FARP1: variants seen among roughly 807,000 people sequenced by gnomAD.
The protein encoded by FARP1 is FERM, ARH/RhoGEF and pleckstrin domain protein 1.
In FARP1, 52 loss-of-function variants were observed where a neutral mutation model predicts 128.8. The observed-to-expected ratio is 0.40, with a 90% CI of 0.32 to 0.51. The LOEUF (loss-of-function observed/expected upper bound fraction) is 0.51, where lower values mean the gene tolerates loss of function less well. FARP1 is among the 20% of genes least tolerant of loss of function. The pLI, the probability that FARP1 is intolerant of heterozygous loss-of-function variation, is 0.45. For missense variants in FARP1, 1,333 were observed against 1,367.9 expected (o/e 0.97, Z 0.40); for synonymous variants, 580 against 551.8 (o/e 1.05, Z -0.72).
chr13:98,157,857 T>TGA (rs1566676199), intron 1 of FARP1, among the ~76,000 whole-genome samples: 1 of 152,228 alleles, frequency 6.6e-6, no homozygotes, highest in African/African-American at 2.4e-5. Context: ...TGAACTCTCT[T>TGA]AAGTGGTAAA....
chr13:98,218,235 A>G (rs942189849), intron 2 of FARP1, among the ~76,000 whole-genome samples: 1 of 151,550 alleles, frequency 6.6e-6, no homozygotes, highest in African/African-American at 2.4e-5. Context: ...AATCCCACCA[A>G]CTGCCAGGCC....
At chr13:98,249,494 A>G (rs774451480) in intron 2 of FARP1, among the ~76,000 whole-genome samples, 11 of 152,168 alleles carry the variant, frequency 7.2e-5, no homozygotes, top group Non-Finnish European at 1.3e-4. Flanking sequence ...TGAGGAATAC[A>G]TCATTAAAAA....
intron 2 of FARP1, among the ~76,000 whole-genome samples, chr13:98,246,844 TC>T (rs1410944676): frequency 1.3e-5 from 2 of 152,198 alleles, no homozygotes; most frequent in Non-Finnish European, 2.9e-5. Context: ...ATCCAGCTGT[TC>T]CTTGAGCCCA....
intron 2 of FARP1, among the ~76,000 whole-genome samples, chr13:98,317,593 A>G (rs1317660971): frequency 6.6e-6 from 1 of 152,162 alleles, no homozygotes; most frequent in Non-Finnish European, 1.5e-5. Context: ...TTATCCAAAG[A>G]AGGTAAAGAT....
intron 1 of FARP1, among the ~76,000 whole-genome samples, chr13:98,211,496 G>A (rs1160859557): frequency 9.2e-5 from 14 of 152,334 alleles, no homozygotes; most frequent in Non-Finnish European, 7.3e-5. Flanking sequence ...TGCCACAAAG[G>A]TTGGGGACCG....
chr13:98,384,986 C>T (rs927523395), intron 7 of FARP1, 142 bp downstream of exon 7: 1 of 617,926 alleles, frequency 1.6e-6, no homozygotes, highest in Admixed American at 2.7e-5. Context: ...CACAGAGGCT[C>T]ATTGGGATGT....
chr13:98,319,348 C>T (rs1886888438), intron 2 of FARP1, among the ~76,000 whole-genome samples: 1 of 152,162 alleles, frequency 6.6e-6, no homozygotes, highest in East Asian at 1.9e-4. Context: ...CAGCCAGGTG[C>T]AGTGGCTCAC....
chr13:98,348,463 G>A (rs1888271323), intron 3 of FARP1, among the ~76,000 whole-genome samples: 1 of 152,232 alleles, frequency 6.6e-6, no homozygotes, highest in Admixed American at 6.5e-5. Flanking sequence ...GGCGAGTTCC[G>A]GGAGCTGGCC....
At chr13:98,268,757 T>C (rs1326406051) in intron 2 of FARP1, among the ~76,000 whole-genome samples, 1 of 149,756 alleles carries the variant, frequency 6.7e-6, no homozygotes, top group Non-Finnish European at 1.5e-5. Flanking sequence ...TGTGAGCTAC[T>C]GCATCTGGCC....
chr13:98,237,125 C>T (rs1245892454), intron 2 of FARP1, among the ~76,000 whole-genome samples: 4 of 151,734 alleles, frequency 2.6e-5, no homozygotes, highest in African/African-American at 4.8e-5. Context: ...ACCAACATGG[C>T]GAAAACCCAT....
At chr13:98,435,316 G>T (rs1202942072) in intron 18 of FARP1, 8 of 297,412 alleles carry the variant, frequency 2.7e-5, no homozygotes, top group Non-Finnish European at 3.7e-5. Flanking sequence ...CAACAGGTCC[G>T]TCTAATTGAA....
chr13:98,176,604 G>A lies in FARP1; in HGVS notation c.-24+33112G>A. 6.2e-7 allele frequency: 1 copy of A among 1,614,206 alleles called. No individual in the cohort carries two copies. ...AATCGGAACGGTCGTGGAGGAATTTGCAGCTGTCCCCGAAGCCACAGAAGC... is the reference window on the plus strand; with the variant it reads ...AATCGGAACGGTCGTGGAGGAATTTACAGCTGTCCCCGAAGCCACAGAAGC... On this transcript the variant is annotated intron_variant, in intron 1 of 26. Coordinates refer to ENST00000319562, the MANE Select transcript of FARP1 (RefSeq NM_005766.4). The surrounding 1 kb of genome is among the most constrained non-coding windows in gnomAD (Gnocchi z 6.2).
chr13:98,176,330 G>T lies in FARP1; in HGVS notation c.-24+32838G>T. 6.2e-7 allele frequency: 1 copy of T among 1,613,986 alleles called. No homozygotes were observed. The highest frequency in any genetic ancestry group is 8.5e-7 in the Non-Finnish European group (1 of 1,179,836). On this transcript the variant is annotated intron_variant, in intron 1 of 26. Transcript: ENST00000319562. This position sits in a 1 kb window ranked among gnomAD's most constrained non-coding sequence, Gnocchi z 6.2. ...AGTTTCGCCATCAGTTCTTTGGCGG[G>T]GTTAAAGATGCCGCCGGTTGGCTGG...
intron 17 of FARP1, among the ~76,000 whole-genome samples, chr13:98,426,268 GC>G (rs1157921922): frequency 6.6e-6 from 1 of 152,188 alleles, no homozygotes; most frequent in African/African-American, 2.4e-5. Flanking sequence ...TGGGAGGATT[GC>G]TTTGAGCCCA....
chr13:98,191,157 G>C (rs1033421236), intron 1 of FARP1, among the ~76,000 whole-genome samples: 3 of 152,140 alleles, frequency 2.0e-5, no homozygotes, highest in African/African-American at 7.2e-5. Flanking sequence ...GATGCTGCTA[G>C]GTTCCTCATA....
At chr13:98,145,554 T>C (rs1875471188) in intron 1 of FARP1, among the ~76,000 whole-genome samples, 1 of 140,662 alleles carries the variant, frequency 7.1e-6, no homozygotes, top group African/African-American at 2.4e-5. Flanking sequence ...AGGAACGTTT[T>C]TGTTTCACTT....
intron 2 of FARP1, among the ~76,000 whole-genome samples, chr13:98,258,981 G>C (rs771150789): frequency 2.6e-4 from 40 of 152,222 alleles, no homozygotes; most frequent in Non-Finnish European, 5.1e-4. Flanking sequence ...GCCAAGGCGG[G>C]AGGATCGCTT....
chr13:98,436,035 T>TA (rs1038104287), intron 19 of FARP1: 538 of 319,720 alleles, frequency 1.7e-3, no homozygotes, highest in South Asian at 2.7e-3. Context: ...AATGGAAAAT[T>TA]AAAAAAAAAA....
At position 98,384,548 on chromosome 13, in the gene FARP1, A is replaced by G. The variant is rs1376092977; in HGVS notation, c.497-182A>G. 5.0e-6 allele frequency: 3 copies of G among 601,914 alleles called. No individual in the cohort carries two copies. In the African/African-American group the frequency reaches 5.6e-5, roughly 11 times the overall value. The allele number at this position is 601,914 out of a possible 1,614,324, so 37.3% of individuals were successfully genotyped here. A position where few individuals can be genotyped will look rare whatever the true frequency, so the allele number is the denominator to read the frequency against. ...GGAGGGGAGAAAACTGTCTTCTCAC[A>G]TCACCACAATTGATAAATGTATCCT... is the stretch of plus-strand genomic sequence containing the variant. On this transcript the variant is annotated intron_variant, in intron 6 of 26. Coordinates refer to ENST00000319562, the MANE Select transcript of FARP1 (RefSeq NM_005766.4).
Sources: allele counts gnomAD v4.1 joint callset (sites outside exome capture counted in the v4.1 genomes callset), GRCh38; gene constraint gnomAD v4.1.1; non-coding constraint Gnocchi (gnomAD v3.1); transcripts MANE v1.5; gene names NCBI Gene and HGNC (gene_info 2026-07-23, HGNC 2026-07-21).